UTRN: variants seen among roughly 807,000 people sequenced by gnomAD.
The protein encoded by UTRN is utrophin.
Under a neutral mutation model 463.9 loss-of-function variants are expected in UTRN, and 283 were observed. The observed-to-expected ratio is 0.61, with a 90% CI of 0.55 to 0.67. UTRN has a LOEUF of 0.67. Ranked by LOEUF, UTRN falls within the 30% of genes least tolerant of loss-of-function variation. The pLI is 0.00. For synonymous variants in UTRN, 1,442 were observed against 1,431.5 expected (o/e 1.01, Z -0.17); for missense variants, 3,922 against 4,084.3 (o/e 0.96, Z 1.08).
intron 60 of UTRN, among the ~76,000 whole-genome samples, chr6:144,780,334 A>G (rs1364917862): frequency 6.6e-6 from 1 of 152,068 alleles, no homozygotes; most frequent in Non-Finnish European, 1.5e-5. Flanking sequence ...TATATAACCA[A>G]CTATTTTCTC....
At chr6:144,769,102 A>C (rs1424449412) in intron 58 of UTRN, among the ~76,000 whole-genome samples, 1 of 151,688 alleles carries the variant, frequency 6.6e-6, no homozygotes, top group Non-Finnish European at 1.5e-5. Context: ...TTCATATTTG[A>C]GATTAATTAG....
chr6:144,423,557 A>G lies in UTRN; in HGVS notation c.243A>G (p.Glu81=). 1 of 1,614,200 alleles carries G rather than the reference A, an allele frequency of 6.2e-7. No homozygotes were observed. Among genetic ancestry groups the G allele is most frequent in the Non-Finnish European group, 8.5e-7 (1 of 1,180,026 alleles). Reference sequence around the variant, plus strand: ...TTTGTTTTATTTTCCAGCCAAAGGAACGTGGTTCCACAAGGGTACATGCCT... The same window carrying G: ...TTTGTTTTATTTTCCAGCCAAAGGAGCGTGGTTCCACAAGGGTACATGCCT... ...EGLTGTSLPK[E]RGSTRVHALN... Residue 81 remains glutamate, a synonymous_variant, in exon 5 of 75, where the codon GAA becomes GAG. Coordinates refer to ENST00000367545, the MANE Select transcript of UTRN (RefSeq NM_007124.3).
intron 66 of UTRN, among the ~76,000 whole-genome samples, chr6:144,825,795 C>T (rs1280143949): frequency 6.6e-6 from 1 of 152,062 alleles, no homozygotes; most frequent in Non-Finnish European, 1.5e-5. Context: ...TTAACATATT[C>T]AGGGTTAATG....
At chr6:144,294,960 AAG>A (rs1804555404) in intron 2 of UTRN, among the ~76,000 whole-genome samples, 1 of 152,170 alleles carries the variant, frequency 6.6e-6, no homozygotes, top group Non-Finnish European at 1.5e-5. Context: ...AGGAACTGGA[AAG>A]AATTTGATCT....
chr6:144,291,588 G>C, intron 1 of UTRN, 149 bp from the exon 2 acceptor site: 1 of 332,878 alleles, frequency 3.0e-6, no homozygotes, highest in Non-Finnish European at 5.4e-6. Context: ...TATGTCTCTT[G>C]TTCATAGTCA....
intron 53 of UTRN, among the ~76,000 whole-genome samples, chr6:144,724,092 T>G (rs1198400908): frequency 6.6e-6 from 1 of 151,670 alleles, no homozygotes; most frequent in African/African-American, 2.4e-5. Flanking sequence ...GAATTATTGT[T>G]TTATTTTAAT....
At chr6:144,783,057 A>C (rs959530374) in intron 61 of UTRN, among the ~76,000 whole-genome samples, 2 of 152,002 alleles carry the variant, frequency 1.3e-5, no homozygotes, top group African/African-American at 4.8e-5. Flanking sequence ...TTAGCCAGGC[A>C]TCGTGGCAGG....
Position 144,551,391 on chromosome 6 carries a change from A to G in UTRN, c.6928+309A>G, listed in dbSNP as rs1040709195. Among the ~76,000 whole-genome samples the G allele has an allele frequency of 2.6e-5, 4 of 152,188 alleles. No homozygotes were observed. In the East Asian group the frequency reaches 7.7e-4, roughly 29 times the overall value. ...GGCTTTCTTTTAGAGGAATAAAAAA[A>G]GGTTAAAGGAACTCACAAGAATGCA... On this transcript the variant is annotated intron_variant, in intron 48 of 74. Transcript: ENST00000367545.
intron 51 of UTRN, among the ~76,000 whole-genome samples, chr6:144,601,385 T>C (rs1299893005): frequency 6.6e-6 from 1 of 152,174 alleles, no homozygotes; most frequent in Non-Finnish European, 1.5e-5. Context: ...AATAGTGACA[T>C]TTACAGGAGT....
At chr6:144,741,560 C>T (rs1196976440) in intron 54 of UTRN, among the ~76,000 whole-genome samples, 4 of 152,114 alleles carry the variant, frequency 2.6e-5, no homozygotes, top group African/African-American at 9.7e-5. Context: ...GAAACATTCT[C>T]AGCTTTTCCT....
intron 17 of UTRN, 142 bp downstream of exon 17, chr6:144,448,911 C>T: frequency 1.1e-6 from 1 of 944,090 alleles, no homozygotes; most frequent in South Asian, 2.2e-5. Context: ...AACTACTGAA[C>T]CACTCACTGC....
At chr6:144,737,810 CT>C (rs1204466527) in intron 54 of UTRN, among the ~76,000 whole-genome samples, 1 of 147,230 alleles carries the variant, frequency 6.8e-6, no homozygotes, top group Non-Finnish European at 1.5e-5. Flanking sequence ...ATACTTTTTC[CT>C]TTTAATGCAA....
intron 3 of UTRN, among the ~76,000 whole-genome samples, chr6:144,405,817 C>T (rs982959529): frequency 2.0e-5 from 3 of 152,176 alleles, no homozygotes; most frequent in African/African-American, 7.2e-5. Flanking sequence ...TCCACTTACT[C>T]TATGTAGAGT....
At chr6:144,483,860 T>C (rs755315812) in intron 27 of UTRN, among the ~76,000 whole-genome samples, 1 of 152,210 alleles carries the variant, frequency 6.6e-6, no homozygotes, top group Non-Finnish European at 1.5e-5. Flanking sequence ...CCAAGAAGAA[T>C]CTGTGATAGG....
chr6:144,721,242 T>G (rs1209364376), intron 53 of UTRN, among the ~76,000 whole-genome samples: 1 of 152,196 alleles, frequency 6.6e-6, no homozygotes, highest in Non-Finnish European at 1.5e-5. Flanking sequence ...GACAGTGTCT[T>G]GCTCCGTCGC....
intron 2 of UTRN, among the ~76,000 whole-genome samples, chr6:144,364,891 C>T (rs937288552): frequency 9.8e-5 from 15 of 152,300 alleles, no homozygotes; most frequent in African/African-American, 3.4e-4. Context: ...GCTCGTTGCT[C>T]GCTCTGCTAT....
chr6:144,452,464 G>T (rs2128557680), intron 18 of UTRN, among the ~76,000 whole-genome samples: 1 of 152,220 alleles, frequency 6.6e-6, no homozygotes, highest in East Asian at 1.9e-4. Flanking sequence ...ATAAATATCA[G>T]TTGGGGATGG....
At position 144,440,475 on chromosome 6, in the gene UTRN, A is replaced by G; in HGVS notation, c.1512+4A>G. On this transcript the variant is annotated splice_donor_region_variant and intron_variant, in intron 13 of 74. Coordinates refer to ENST00000367545, the MANE Select transcript of UTRN (RefSeq NM_007124.3). ...TATCCTAGAAGACCAGTTACAGGTA[A>G]GAGTGCTGTAAAGTTGGATAATCCT... 1 of 1,614,110 alleles carries G rather than the reference A, an allele frequency of 6.2e-7. No individual in the cohort carries two copies. Among genetic ancestry groups the G allele is most frequent in the South Asian group, 1.1e-5 (1 of 91,076 alleles).
chr6:144,471,930 T>C (rs1040943712), intron 23 of UTRN, among the ~76,000 whole-genome samples: 1 of 152,190 alleles, frequency 6.6e-6, no homozygotes, highest in Non-Finnish European at 1.5e-5. Flanking sequence ...CTACAAAGTA[T>C]AGAATAGTCA....
Sources: allele counts gnomAD v4.1 joint callset (sites outside exome capture counted in the v4.1 genomes callset), GRCh38; gene constraint gnomAD v4.1.1; transcripts MANE v1.5; gene names NCBI Gene and HGNC (gene_info 2026-07-23, HGNC 2026-07-21).